Variants in KCNN1 observed in about 807,000 individuals in gnomAD.
The protein encoded by KCNN1 is small conductance calcium-activated potassium channel protein 1.
A neutral mutation model predicts 44.7 loss-of-function variants in KCNN1; 20 were observed. That is an observed-to-expected ratio of 0.45 (90% CI 0.32 to 0.65). The LOEUF (loss-of-function observed/expected upper bound fraction) is 0.65. Ranked by LOEUF, KCNN1 falls within the 30% of genes least tolerant of loss-of-function variation. The pLI is 0.05. For synonymous variants in KCNN1, 324 were observed against 341.7 expected, an observed-to-expected ratio of 0.95 and a Z score of 0.57; for missense variants, 632 against 785.3, an observed-to-expected ratio of 0.80 and a Z score of 2.33.
rs1170776774 is a variant in KCNN1, at chr19:17,993,095, G to A, written c.1307+33G>A. ...TTCTCCCAGGGGCTTGGTGGGGCTG[G>A]GAAATCGGGGGTGCATGGTGGTCAC... On this transcript the variant is annotated intron_variant, in intron 8 of 9. Coordinates refer to ENST00000684775, the MANE Select transcript of KCNN1 (RefSeq NM_001386974.1). This position sits in a 1 kb window ranked among gnomAD's most constrained non-coding sequence, Gnocchi z 4.5. 3 of 1,613,252 alleles carry A rather than the reference G, an allele frequency of 1.9e-6. No individual in the cohort carries two copies. Among genetic ancestry groups the A allele is most frequent in the Non-Finnish European group, 2.5e-6 (3 of 1,179,602 alleles).
chr19:17,998,181 G>A lies in KCNN1; in HGVS notation c.1407G>A (p.Ser469=), dbSNP rs1265441465. 1.3e-5 allele frequency: 21 copies of A among 1,600,410 alleles called. No individual in the cohort carries two copies. Among genetic ancestry groups the A allele is most frequent in the East Asian group, 2.3e-5 (1 of 44,298 alleles). The stretch of plus-strand genomic sequence containing the variant: ...AGACCGTCATGTACGACCTTGTATC[G>A]GAGCTGCACGCTCAGCACGAGGAGC... ...KTQTVMYDLV[S]ELHAQHEELE... is the part of the protein sequence containing the mutation. Residue 469 remains serine, a synonymous_variant, in exon 10 of 10, where the codon TCG becomes TCA. Transcript: ENST00000684775. This position sits in a 1 kb window ranked among gnomAD's most constrained non-coding sequence, Gnocchi z 5.4.
chr19:17,988,802 T>C (rs1333336464), intron 6 of KCNN1, among the ~76,000 whole-genome samples: 5 of 151,876 alleles, frequency 3.3e-5, no homozygotes, highest in Non-Finnish European at 4.4e-5. Context: ...TCCCATCCAC[T>C]TGGGAGTCTG....
At chr19:17,976,718 T>A (rs1284717759) in intron 3 of KCNN1, among the ~76,000 whole-genome samples, 1 of 148,916 alleles carries the variant, frequency 6.7e-6, no homozygotes, top group African/African-American at 2.5e-5. Context: ...GCGCCCAGCA[T>A]AACCTTTTTT....
intron 1 of KCNN1, among the ~76,000 whole-genome samples, chr19:17,952,523 C>T (rs934467859): frequency 6.6e-6 from 1 of 152,146 alleles, no homozygotes; most frequent in Non-Finnish European, 1.5e-5. Context: ...GCTCCTGACC[C>T]CACCCCCATG....
intron 6 of KCNN1, among the ~76,000 whole-genome samples, chr19:17,988,909 TAAAA>T (rs778235667): frequency 1.2e-4 from 17 of 137,576 alleles, no homozygotes; most frequent in Non-Finnish European, 2.5e-4. Flanking sequence ...AGACTCCGTT[TAAAA>T]AAAAAAAAAA....
At chr19:17,982,465 C>T (rs966699233) in intron 4 of KCNN1, 5 of 784,928 alleles carry the variant, frequency 6.4e-6, no homozygotes, top group South Asian at 1.2e-4. Flanking sequence ...CCCCGGGGGG[C>T]GCAGGCAGCA....
upstream of KCNN1, among the ~76,000 whole-genome samples, chr19:17,966,011 GCCTGCCTGCCTGCCTTCCTTCCTTCCTT>G (rs1393616713): frequency 6.1e-3 from 723 of 119,094 alleles, 1 homozygote; most frequent in Non-Finnish European, 9.2e-3. Context: ...CTGCCTGCCT[GCCTGCCTGCCTGCCTTCCTTCCTTCCTT>G]CCTTCCTTCC....
At chr19:17,967,359 C>G in intron 1 of KCNN1, 42 bp downstream of exon 1, 1 of 970,696 alleles carries the variant, frequency 1.0e-6, no homozygotes, top group Non-Finnish European at 1.2e-6. Context: ...GATCCAGGAT[C>G]TGCAGCTCAG....
chr19:17,965,513 A>C (rs1289033009), upstream of KCNN1, among the ~76,000 whole-genome samples: 2 of 152,190 alleles, frequency 1.3e-5, no homozygotes, highest in African/African-American at 2.4e-5. Context: ...AGGCAGGGGA[A>C]CAGCAAGTGC....
chr19:17,971,297 C>A (rs1047282917), intron 1 of KCNN1, among the ~76,000 whole-genome samples: 1 of 152,086 alleles, frequency 6.6e-6, no homozygotes, highest in Non-Finnish European at 1.5e-5. Flanking sequence ...TTCTCCCAGG[C>A]CTGGCACATG....
At chr19:17,996,509 G>A (rs954611009) in intron 9 of KCNN1, among the ~76,000 whole-genome samples, 1 of 152,234 alleles carries the variant, frequency 6.6e-6, no homozygotes, top group African/African-American at 2.4e-5. Context: ...GGGAGGCTGA[G>A]GCAGGAGAGT....
chr19:17,990,186 G>T, intron 7 of KCNN1: 1 of 451,978 alleles, frequency 2.2e-6, no homozygotes, highest in East Asian at 6.2e-5. Flanking sequence ...ATGGGATCAT[G>T]TAGGATAACT....
chr19:17,956,232 C>T (rs952746212), intron 2 of KCNN1, among the ~76,000 whole-genome samples: 10 of 152,210 alleles, frequency 6.6e-5, no homozygotes, highest in Non-Finnish European at 1.3e-4. Context: ...GCCACTGAGC[C>T]AGGCCTCCTT....
chr19:17,989,687 C>T (rs2032721106), intron 6 of KCNN1, 29 bp from the exon 7 acceptor site: 1 of 1,613,536 alleles, frequency 6.2e-7, no homozygotes, highest in Non-Finnish European at 8.5e-7. Context: ...CGCGCCAACC[C>T]TGAGGAATTG....
chr19:17,960,972 G>C (rs1212658202), intron 2 of KCNN1, among the ~76,000 whole-genome samples: 2 of 152,024 alleles, frequency 1.3e-5, no homozygotes, highest in Non-Finnish European at 2.9e-5. Flanking sequence ...GATCACTTGA[G>C]GCCAGGAGTT....
Position 17,993,549 on chromosome 19 carries a change from A to C in KCNN1, c.1367A>C (p.Asp456Ala), listed in dbSNP as rs1217326917. 1 of 1,613,640 alleles carries C rather than the reference A, an allele frequency of 6.2e-7. No individual in the cohort carries two copies. Among genetic ancestry groups the C allele is most frequent in the Non-Finnish European group, 8.5e-7 (1 of 1,179,650 alleles). Residue 456 changes from aspartate (D) to alanine (A), a missense_variant, in exon 9 of 10, where the codon GAC becomes GCC. By Grantham distance (126) the Asp-to-Ala change is moderately radical (BLOSUM62 -2). Coordinates refer to ENST00000684775, the MANE Select transcript of KCNN1 (RefSeq NM_001386974.1). This position sits in a 1 kb window ranked among gnomAD's most constrained non-coding sequence, Gnocchi z 4.5. ...AACGACCAGGCTAACACGCTTACCG[A>C]CCTAGCCAAGGTGAGTGGGTTGGGG... ...KLNDQANTLT[D>A]LAKTQTVMYD...
intron 2 of KCNN1, among the ~76,000 whole-genome samples, chr19:17,961,451 A>C (rs188095728): frequency 7.0e-4 from 106 of 151,982 alleles, no homozygotes; most frequent in African/African-American, 2.4e-3. Context: ...AAACAGGAGA[A>C]TCTCTTAAGC....
chr19:17,982,715 G>A (rs1010704317), intron 4 of KCNN1: 10 of 511,894 alleles, frequency 2.0e-5, no homozygotes, highest in African/African-American at 1.7e-4. Context: ...GGGGTGGGTC[G>A]GGGTAAGTCA....
intron 1 of KCNN1, 42 bp downstream of exon 1, chr19:17,967,359 C>T: frequency 2.1e-6 from 2 of 970,696 alleles, no homozygotes; most frequent in Non-Finnish European, 2.4e-6. Context: ...GATCCAGGAT[C>T]TGCAGCTCAG....
Sources: allele counts gnomAD v4.1 joint callset (sites outside exome capture counted in the v4.1 genomes callset), GRCh38; gene constraint gnomAD v4.1.1; non-coding constraint Gnocchi (gnomAD v3.1); transcripts MANE v1.5; gene names NCBI Gene and HGNC (gene_info 2026-07-23, HGNC 2026-07-21).